The following LRRC37A2 variants were observed in gnomAD, a reference collection of about 807,000 sequenced individuals.
LRRC37A2 encodes leucine-rich repeat-containing protein 37A2.
A neutral mutation model predicts 68.8 loss-of-function variants in LRRC37A2; 9 were observed. The observed-to-expected ratio is 0.13, with a 90% CI of 0.08 to 0.23. The LOEUF is 0.23. Ranked by LOEUF, LRRC37A2 falls within the 10% of genes least tolerant of loss-of-function variation. The probability of loss-of-function intolerance (pLI) is 1.00; values close to 1 mark genes in which losing one functional copy is unlikely to be tolerated. For missense variants in LRRC37A2, 168 were observed against 950.4 expected (o/e 0.18, Z 10.82); for synonymous variants, 63 against 367.6 (o/e 0.17, Z 9.48).
chr17:47,038,087 T>G, the LRRC37A2 span, among the ~76,000 whole-genome samples: 1 of 152,140 alleles, frequency 6.6e-6, no homozygotes, highest in Non-Finnish European at 1.5e-5. Context: ...GAGGATTGCT[T>G]GACCCCAGGA....
the LRRC37A2 span, among the ~76,000 whole-genome samples, chr17:46,501,790 C>T: frequency 4.6e-5 from 7 of 151,402 alleles, no homozygotes; most frequent in South Asian, 4.1e-4. Context: ...CTGACTGCTT[C>T]CTGCTAATCT....
chr17:46,729,914 A>G, the LRRC37A2 span, among the ~76,000 whole-genome samples: 1 of 152,080 alleles, frequency 6.6e-6, no homozygotes, highest in Admixed American at 6.6e-5. Flanking sequence ...AGTCTTGAAG[A>G]TTTGCAACAT....
the LRRC37A2 span, among the ~76,000 whole-genome samples, chr17:46,808,558 A>C: frequency 6.6e-6 from 1 of 152,364 alleles, no homozygotes; most frequent in Admixed American, 6.5e-5. Context: ...CCCAGGCTGC[A>C]CTGTGGGACT....
chr17:47,023,719 C>T, the LRRC37A2 span, among the ~76,000 whole-genome samples: 14,781 of 150,804 alleles, frequency 0.098, 965 homozygotes, highest in Middle Eastern at 0.17. Flanking sequence ...CTCAGCCTCC[C>T]GCGTAGCTGG....
chr17:46,532,888 C>G, intron 6 of LRRC37A2, among the ~76,000 whole-genome samples: 1 of 148,238 alleles, frequency 6.7e-6, no homozygotes, highest in African/African-American at 2.6e-5. Flanking sequence ...ATTGCTTGAC[C>G]CCAGGAGTTC....
the LRRC37A2 span, among the ~76,000 whole-genome samples, chr17:46,460,796 AAG>A: frequency 3.0e-4 from 30 of 98,736 alleles, 2 homozygotes; most frequent in South Asian, 4.6e-4. Context: ...AAGAGAGAGT[AAG>A]AGAGAGAGAG....
chr17:46,999,942 T>G, the LRRC37A2 span, among the ~76,000 whole-genome samples: 3 of 148,924 alleles, frequency 2.0e-5, no homozygotes, highest in Non-Finnish European at 4.4e-5. Flanking sequence ...GAGGTTGCAG[T>G]GGGCTGAGAT....
At chr17:47,033,367 G>A in the LRRC37A2 span, 2 of 698,956 alleles carry the variant, frequency 2.9e-6, no homozygotes, top group Non-Finnish European at 2.6e-6. Context: ...GTGGGGAGAT[G>A]TGTGGCTCAC....
At chr17:46,831,014 ATCT>A in the LRRC37A2 span, 3 of 363,412 alleles carry the variant, frequency 8.3e-6, no homozygotes, top group Admixed American at 4.6e-5. Context: ...TAAATCTAAA[ATCT>A]TCTTTTCAGT....
the LRRC37A2 span, among the ~76,000 whole-genome samples, chr17:46,933,824 C>T: frequency 1.3e-5 from 2 of 151,574 alleles, no homozygotes; most frequent in African/African-American, 2.4e-5. Context: ...ATTAGCCGGG[C>T]GTGGTGGCGT....
At chr17:46,502,883 C>G in the LRRC37A2 span, among the ~76,000 whole-genome samples, 3 of 150,950 alleles carry the variant, frequency 2.0e-5, no homozygotes, top group Admixed American at 2.0e-4. Flanking sequence ...ACTCATGTTA[C>G]AGGCTGGTCT....
chr17:47,018,583 A>T, the LRRC37A2 span: 1 of 1,520,264 alleles, frequency 6.6e-7, no homozygotes, highest in Non-Finnish European at 9.1e-7. Context: ...CTGCTTCCAG[A>T]GTCATCGGAA....
chr17:46,891,496 A>G, the LRRC37A2 span, among the ~76,000 whole-genome samples: 1 of 152,150 alleles, frequency 6.6e-6, no homozygotes, highest in African/African-American at 2.4e-5. Flanking sequence ...ACCATCTGCA[A>G]CGTCCTCAGT....
the LRRC37A2 span, chr17:46,872,709 G>T: frequency 2.5e-6 from 4 of 1,605,876 alleles, no homozygotes; most frequent in Non-Finnish European, 3.4e-6. Context: ...TTGAGTGCCA[G>T]TTTCAGTTCC....
At chr17:47,015,021 T>TTC in the LRRC37A2 span, among the ~76,000 whole-genome samples, 7 of 147,420 alleles carry the variant, frequency 4.7e-5, no homozygotes, top group African/African-American at 1.0e-4. Flanking sequence ...TTTTTTTTTT[T>TTC]TTTTGAGATG....
At chr17:46,976,814 C>T in the LRRC37A2 span, among the ~76,000 whole-genome samples, 1 of 152,102 alleles carries the variant, frequency 6.6e-6, no homozygotes, top group Non-Finnish European at 1.5e-5. Flanking sequence ...AACTGCACCA[C>T]CTACATGACG....
chr17:46,900,202 T>TATACACACACAC, the LRRC37A2 span, among the ~76,000 whole-genome samples: 75 of 101,164 alleles, frequency 7.4e-4, 3 homozygotes, highest in African/African-American at 3.4e-3. Flanking sequence ...TATATATATA[T>TATACACACACAC]ACACACACAC....
At chr17:46,822,965 A>G in the LRRC37A2 span, among the ~76,000 whole-genome samples, 1 of 150,730 alleles carries the variant, frequency 6.6e-6, no homozygotes, top group African/African-American at 2.4e-5. Flanking sequence ...TCTTAGCTCT[A>G]GCTCCCCAGG....
At chr17:47,023,911 A>G in the LRRC37A2 span, among the ~76,000 whole-genome samples, 4 of 152,208 alleles carry the variant, frequency 2.6e-5, no homozygotes, top group Non-Finnish European at 5.9e-5. Context: ...ACATTTTAAA[A>G]ACAAGAAAAT....
Sources: gnomAD v4.1 joint callset for allele counts (sites outside exome capture counted in the v4.1 genomes callset) on GRCh38, gnomAD v4.1.1 for gene constraint, MANE v1.5 for transcripts, NCBI Gene and HGNC (gene_info 2026-07-23, HGNC 2026-07-21) for gene names.